Variants in CA10 observed in about 807,000 individuals in gnomAD.
The protein encoded by CA10 is carbonic anhydrase-related protein 10.
A neutral mutation model predicts 44.2 loss-of-function variants in CA10; 14 were observed. That is an observed-to-expected ratio of 0.32 (90% CI 0.21 to 0.50). The LOEUF (loss-of-function observed/expected upper bound fraction) is 0.50, where lower values mean the gene tolerates loss of function less well. CA10 is among the 20% of genes least tolerant of loss of function. The probability of loss-of-function intolerance (pLI) is 0.99; values close to 1 mark genes in which losing one functional copy is unlikely to be tolerated. For synonymous variants in CA10, 159 were observed against 141.6 expected (o/e 1.12, Z -0.87); for missense variants, 350 against 409.7 (o/e 0.85, Z 1.26).
At chr17:52,057,198 T>A (rs115827295) in intron 2 of CA10, among the ~76,000 whole-genome samples, 1 of 152,118 alleles carries the variant, frequency 6.6e-6, no homozygotes, top group African/African-American at 2.4e-5. Context: ...GCTACGTAGG[T>A]CGACTTATAC....
At chr17:51,693,401 T>A (rs1047766816) in intron 4 of CA10, among the ~76,000 whole-genome samples, 4 of 152,198 alleles carry the variant, frequency 2.6e-5, no homozygotes, top group African/African-American at 4.8e-5. Context: ...CCTGGGTATA[T>A]TGCATGATGC....
chr17:52,084,966 T>C (rs1398345173), intron 1 of CA10, among the ~76,000 whole-genome samples: 1 of 152,226 alleles, frequency 6.6e-6, no homozygotes, highest in Non-Finnish European at 1.5e-5. Flanking sequence ...GTGGACATCA[T>C]AGCTAGACTT....
intron 3 of CA10, among the ~76,000 whole-genome samples, chr17:51,907,557 C>T (rs1029243798): frequency 6.6e-6 from 1 of 151,896 alleles, no homozygotes; most frequent in Non-Finnish European, 1.5e-5. Flanking sequence ...GGACTTATTC[C>T]CCCAACTGCT....
At chr17:52,135,079 C>T (rs1245781777) in intron 1 of CA10, 4 of 439,768 alleles carry the variant, frequency 9.1e-6, no homozygotes, top group South Asian at 1.6e-5. Context: ...AATCCTAAGC[C>T]CCCCAACTGA....
intron 1 of CA10, among the ~76,000 whole-genome samples, chr17:52,098,341 G>A (rs985062022): frequency 6.6e-6 from 1 of 152,218 alleles, no homozygotes; most frequent in African/African-American, 2.4e-5. Context: ...CAGAAGGCCT[G>A]GGCTGGGGCC....
At chr17:52,062,775 T>C (rs773650968) in intron 2 of CA10, among the ~76,000 whole-genome samples, 3 of 152,144 alleles carry the variant, frequency 2.0e-5, no homozygotes, top group Admixed American at 6.5e-5. Flanking sequence ...AGAGGATGTA[T>C]TGGAAAGCCT....
intron 2 of CA10, among the ~76,000 whole-genome samples, chr17:51,968,040 G>C (rs1984145687): frequency 1.3e-5 from 2 of 151,906 alleles, no homozygotes; most frequent in Admixed American, 1.3e-4. Context: ...GTTGAGAACA[G>C]AGAGGAAAGT....
chr17:52,053,296 C>A (rs1235839343), intron 2 of CA10, among the ~76,000 whole-genome samples: 1 of 151,978 alleles, frequency 6.6e-6, no homozygotes, highest in African/African-American at 2.4e-5. Flanking sequence ...CTTCCAATAC[C>A]AACTGAGCTC....
chr17:52,044,664 A>G (rs1392885507), intron 2 of CA10, among the ~76,000 whole-genome samples: 1 of 152,152 alleles, frequency 6.6e-6, no homozygotes, highest in Admixed American at 6.5e-5. Flanking sequence ...TTCTAGACAT[A>G]AAAAATTTAA....
chr17:51,663,391 T>C (rs1914083088), intron 4 of CA10, among the ~76,000 whole-genome samples: 3 of 152,170 alleles, frequency 2.0e-5, no homozygotes, highest in Non-Finnish European at 2.9e-5. Flanking sequence ...GAATGAGAGA[T>C]GAGGTCTGCA....
intron 3 of CA10, among the ~76,000 whole-genome samples, chr17:51,820,719 G>C (rs888112847): frequency 4.6e-5 from 7 of 151,904 alleles, no homozygotes; most frequent in Non-Finnish European, 1.0e-4. Flanking sequence ...CTAGATTCTT[G>C]AGCTTCAATT....
chr17:51,676,233 T>TA (rs767633206), intron 4 of CA10, among the ~76,000 whole-genome samples: 2 of 152,214 alleles, frequency 1.3e-5, no homozygotes, highest in Non-Finnish European at 2.9e-5. Flanking sequence ...GTTGAGCACT[T>TA]ATGTGTGCCA....
At chr17:52,008,747 T>G (rs1023414582) in intron 2 of CA10, among the ~76,000 whole-genome samples, 3 of 151,862 alleles carry the variant, frequency 2.0e-5, no homozygotes, top group African/African-American at 7.2e-5. Context: ...AAAATGGAAC[T>G]GAAACATGAA....
chr17:52,120,669 C>T (rs1325737493), intron 1 of CA10, among the ~76,000 whole-genome samples: 1 of 152,146 alleles, frequency 6.6e-6, no homozygotes, highest in African/African-American at 2.4e-5. Flanking sequence ...CTTGCCTGGG[C>T]ATGCCCACAA....
intron 1 of CA10, among the ~76,000 whole-genome samples, chr17:52,124,852 G>A (rs541466158): frequency 6.6e-6 from 1 of 152,278 alleles, no homozygotes; most frequent in South Asian, 2.1e-4. Flanking sequence ...CCACAACACT[G>A]TTACTTCAGC....
chr17:52,049,866 C>G (rs1987009607), intron 2 of CA10, among the ~76,000 whole-genome samples: 1 of 152,034 alleles, frequency 6.6e-6, no homozygotes, highest in African/African-American at 2.4e-5. Flanking sequence ...TACTGGAATA[C>G]CATATGTTTT....
intron 3 of CA10, among the ~76,000 whole-genome samples, chr17:51,826,133 T>C (rs1231204040): frequency 6.6e-6 from 1 of 152,210 alleles, no homozygotes; most frequent in African/African-American, 2.4e-5. Flanking sequence ...TTCTGTGGAT[T>C]TTCTATGACC....
intron 3 of CA10, among the ~76,000 whole-genome samples, chr17:51,790,234 T>C (rs1906462416): frequency 6.6e-6 from 1 of 152,160 alleles, no homozygotes; most frequent in South Asian, 2.1e-4. Context: ...AGCCTCTGAT[T>C]TCCCTTGTTC....
intron 3 of CA10, among the ~76,000 whole-genome samples, chr17:51,889,335 A>C (rs1980752933): frequency 6.6e-6 from 1 of 152,124 alleles, no homozygotes; most frequent in African/African-American, 2.4e-5. Flanking sequence ...TAGCCTGGGC[A>C]ATGTGGTGAA....
Sources: allele counts gnomAD v4.1 joint callset (sites outside exome capture counted in the v4.1 genomes callset), GRCh38; gene constraint gnomAD v4.1.1; transcripts MANE v1.5; gene names NCBI Gene and HGNC (gene_info 2026-07-23, HGNC 2026-07-21).